Variants in PTPRC observed in about 807,000 individuals in gnomAD.
PTPRC encodes the protein protein tyrosine phosphatase receptor type C.
Under a neutral mutation model 155.9 loss-of-function variants are expected in PTPRC, and 44 were observed. That is an observed-to-expected ratio of 0.28 (90% CI 0.22 to 0.36). The LOEUF (loss-of-function observed/expected upper bound fraction) is 0.36, where lower values mean the gene tolerates loss of function less well. Ranked by LOEUF, PTPRC falls within the 10% of genes least tolerant of loss-of-function variation. The probability of loss-of-function intolerance (pLI) is 1.00; values close to 1 mark genes in which losing one functional copy is unlikely to be tolerated. For synonymous variants in PTPRC, 525 were observed against 533.1 expected (o/e 0.98, Z 0.21); for missense variants, 1,401 against 1,564.6 (o/e 0.90, Z 1.76).
intron 28 of PTPRC, chr1:198,750,261 G>C: frequency 1.9e-6 from 1 of 521,346 alleles, no homozygotes; most frequent in East Asian, 3.5e-5. Context: ...AATTTGTTTC[G>C]CAAGATATGT....
chr1:198,747,578 T>TC (rs1655190216), intron 26 of PTPRC, among the ~76,000 whole-genome samples: 1 of 151,722 alleles, frequency 6.6e-6, no homozygotes, highest in African/African-American at 2.4e-5. Context: ...GCAGACTGGA[T>TC]TAAGTAGGAA....
chr1:198,672,294 C>T (rs536453569), intron 2 of PTPRC, among the ~76,000 whole-genome samples: 97 of 152,216 alleles, frequency 6.4e-4, no homozygotes, highest in South Asian at 3.5e-3. Flanking sequence ...GTAGTTAGGC[C>T]CACACCCTGT....
At chr1:198,708,353 C>A (rs1302306018) in intron 10 of PTPRC, 92 bp downstream of exon 10, 27 of 1,239,094 alleles carry the variant, frequency 2.2e-5, no homozygotes, top group Middle Eastern at 2.8e-4. Context: ...TTTCTCTCTT[C>A]CTCCCTGCCT....
chr1:198,744,754 C>CA (rs1197919849), intron 26 of PTPRC, among the ~76,000 whole-genome samples: 21 of 151,804 alleles, frequency 1.4e-4, no homozygotes, highest in Non-Finnish European at 7.4e-5. Context: ...GCTCAGTTGT[C>CA]AAAAAAATGT....
intron 5 of PTPRC, among the ~76,000 whole-genome samples, chr1:198,702,061 T>C (rs1040677078): frequency 6.6e-6 from 1 of 152,198 alleles, no homozygotes; most frequent in Non-Finnish European, 1.5e-5. Flanking sequence ...TCTCTACTGC[T>C]TTGATGCATT....
intron 11 of PTPRC, 24 bp from the exon 12 acceptor site, chr1:198,712,929 A>T: frequency 6.2e-7 from 1 of 1,602,402 alleles, no homozygotes. Flanking sequence ...TTCATATTAC[A>T]TAACATTCTT....
At chr1:198,731,320 G>A (rs1002657428) in intron 17 of PTPRC, among the ~76,000 whole-genome samples, 1 of 152,028 alleles carries the variant, frequency 6.6e-6, no homozygotes, top group East Asian at 1.9e-4. Flanking sequence ...ATAGTCAAAC[G>A]TGAATGTCCT....
chr1:198,683,240 C>T (rs939128038), intron 2 of PTPRC, among the ~76,000 whole-genome samples: 1 of 152,024 alleles, frequency 6.6e-6, no homozygotes. Flanking sequence ...ACATAGTACC[C>T]GCTTATTAAA....
At position 198,722,450 on chromosome 1, in the gene PTPRC, C is replaced by A. The variant is rs761297445; in HGVS notation, c.1694C>A (p.Pro565His). 6 of 1,470,538 alleles carry A rather than the reference C, an allele frequency of 4.1e-6. No individual in the cohort carries two copies. In the Admixed American group the frequency reaches 7.8e-5, roughly 19 times the overall value. 91.1% of individuals were successfully genotyped at this position (1,470,538 alleles called of 1,614,324 possible). Residue 565 changes from proline to histidine, a missense_variant, in exon 15 of 33, where the codon CCC becomes CAC. Physicochemically the swap from Pro to His is moderately conservative, Grantham distance 77. Transcript: ENST00000442510. ...CACAATGGAGACTATCCTGGAGAAC[C>A]CTTTATTTTACATCATTCAACATCT... ...YFHNGDYPGE[P>H]FILHHSTSYN...
intron 2 of PTPRC, among the ~76,000 whole-genome samples, chr1:198,691,080 T>A (rs1282066021): frequency 6.6e-6 from 1 of 152,108 alleles, no homozygotes; most frequent in Admixed American, 6.5e-5. Flanking sequence ...TTTGATTACC[T>A]ATGCTGGCTC....
chr1:198,722,110 A>G (rs1653916996), intron 14 of PTPRC, among the ~76,000 whole-genome samples: 1 of 150,886 alleles, frequency 6.6e-6, no homozygotes, highest in African/African-American at 2.4e-5. Context: ...CTTTATGAAT[A>G]TTTTGATGTA....
At chr1:198,646,766 C>G (rs574821155) in intron 2 of PTPRC, among the ~76,000 whole-genome samples, 27 of 151,828 alleles carry the variant, frequency 1.8e-4, no homozygotes, top group African/African-American at 6.5e-4. Context: ...TATGGTATTC[C>G]TCTTATTAGC....
At chr1:198,695,157 T>G (rs1666132639) in intron 3 of PTPRC, 3 of 891,228 alleles carry the variant, frequency 3.4e-6, no homozygotes, top group Non-Finnish European at 2.7e-6. Flanking sequence ...TGAATAAAGC[T>G]GGGTTTTTTA....
intron 2 of PTPRC, among the ~76,000 whole-genome samples, chr1:198,648,531 G>A (rs1213719265): frequency 6.6e-6 from 1 of 151,776 alleles, no homozygotes; most frequent in Non-Finnish European, 1.5e-5. Context: ...GCAAATCACA[G>A]CAGGACTGAA....
At chr1:198,723,381 A>G (rs1653986158) in intron 15 of PTPRC, among the ~76,000 whole-genome samples, 1 of 152,140 alleles carries the variant, frequency 6.6e-6, no homozygotes, top group African/African-American at 2.4e-5. Flanking sequence ...CACTGGTATG[A>G]ATGCAAAGTC....
intron 2 of PTPRC, among the ~76,000 whole-genome samples, chr1:198,663,887 G>A (rs1220950960): frequency 1.3e-5 from 2 of 151,912 alleles, no homozygotes; most frequent in African/African-American, 4.8e-5. Flanking sequence ...TATTATTAAT[G>A]TATGACATCA....
intron 2 of PTPRC, among the ~76,000 whole-genome samples, chr1:198,648,321 T>C (rs1472074630): frequency 1.3e-5 from 2 of 151,840 alleles, no homozygotes; most frequent in Non-Finnish European, 2.9e-5. Flanking sequence ...TCTTACTTTT[T>C]TTTGGTAGTC....
intron 2 of PTPRC, among the ~76,000 whole-genome samples, chr1:198,656,746 T>C (rs1369926534): frequency 1.3e-5 from 2 of 149,898 alleles, no homozygotes; most frequent in Non-Finnish European, 3.0e-5. Context: ...GGAGGTGGCG[T>C]GGGGGAGCGG....
chr1:198,686,994 TTTGTTGTTGTTGTTG>T (rs71800427), intron 2 of PTPRC, among the ~76,000 whole-genome samples: 2 of 149,944 alleles, frequency 1.3e-5, no homozygotes, highest in Admixed American at 1.3e-4. Context: ...CAACCAATCT[TTTGTTGTTGTTGTTG>T]TTGTTGTTGT....
Sources: allele counts gnomAD v4.1 joint callset (sites outside exome capture counted in the v4.1 genomes callset), GRCh38; gene constraint gnomAD v4.1.1; transcripts MANE v1.5; gene names NCBI Gene and HGNC (gene_info 2026-07-23, HGNC 2026-07-21).